LTBP3: variants seen among roughly 807,000 people sequenced by gnomAD.
LTBP3 encodes latent transforming growth factor beta binding protein 3.
Under a neutral mutation model 159.7 loss-of-function variants are expected in LTBP3, and 97 were observed. The observed-to-expected ratio is 0.61, with a 90% CI of 0.52 to 0.72. The LOEUF is 0.72. Ranked by LOEUF, LTBP3 falls within the 30% of genes least tolerant of loss-of-function variation. LTBP3 has a pLI of 0.00. For synonymous variants in LTBP3, 824 were observed against 777.1 expected, an observed-to-expected ratio of 1.06 and a Z score of -1.00; for missense variants, 1,584 against 1,864.3, an observed-to-expected ratio of 0.85 and a Z score of 2.77.
Position 65,546,726 on chromosome 11 carries a change from C to CCCCCCCCCCCGT in LTBP3, c.2230+71_2230+72insACGGGGGGGGGG. The CCCCCCCCCCCGT allele has an allele frequency of 6.6e-7, 1 of 1,520,490 alleles. No homozygotes were observed. Among genetic ancestry groups the CCCCCCCCCCCGT allele is most frequent in the Non-Finnish European group, 8.9e-7 (1 of 1,126,560 alleles). The allele number at this position is 1,520,490 out of a possible 1,614,324, so 94.2% of individuals were successfully genotyped here. ...GCCAATCACCACCGCTACCCCGCCC[C>CCCCCCCCCCCGT]GCCCCCAGCGGAGCCAGACTGGGGG... On this transcript the variant is annotated intron_variant, in intron 15 of 27. Transcript: ENST00000301873. The surrounding 1 kb of genome is among the most constrained non-coding windows in gnomAD (Gnocchi z 4.0).
At position 65,553,632 on chromosome 11, in the gene LTBP3, A is replaced by C. The variant is rs1856693225; in HGVS notation, c.864+69T>G. ...TTCCCCCGCCCCTCAGTTTTCTGCT[A>C]TCCGAGTGAGTTGGGGCAGAGCAAC... is the stretch of plus-strand genomic sequence containing the variant. On this transcript the variant is annotated intron_variant, in intron 3 of 27. Transcript: ENST00000301873. The surrounding 1 kb of genome is among the most constrained non-coding windows in gnomAD (Gnocchi z 6.5). The C allele has an allele frequency of 2.0e-6, 3 of 1,524,652 alleles. No individual in the cohort carries two copies. The highest frequency in any genetic ancestry group is 1.2e-5 in the South Asian group (1 of 85,234). The allele number at this position is 1,524,652 out of a possible 1,614,324, so 94.4% of individuals were successfully genotyped here. A position where few individuals can be genotyped will look rare whatever the true frequency, so the allele number is the denominator to read the frequency against.
Position 65,548,055 on chromosome 11 carries a change from T to C in LTBP3, c.1721-10A>G. The C allele has an allele frequency of 1.2e-6, 2 of 1,613,828 alleles. No homozygotes were observed. Among genetic ancestry groups the C allele is most frequent in the Non-Finnish European group, 1.7e-6 (2 of 1,179,998 alleles). On this transcript the variant is annotated splice_polypyrimidine_tract_variant and intron_variant, in intron 11 of 27. Coordinates refer to ENST00000301873, the MANE Select transcript of LTBP3 (RefSeq NM_001130144.3). ...CGGCACTCATCAGTCTCTGCGGGCA[T>C]GGCCAGGTCAAGCGGCAGAGCAGGG... is the stretch of plus-strand genomic sequence containing the variant.
Position 65,540,274 on chromosome 11 carries a change from T to TGC in LTBP3, c.3213_3214dup (p.Gln1072ArgfsTer6). ...CTCTTCCGGGCTCAGGCACTGGCGC[T>TGC]GCGCGGGACTGTACTCGGCAGGGGG... On this transcript the variant is annotated frameshift_variant, in exon 23 of 28. Coordinates refer to ENST00000301873, the MANE Select transcript of LTBP3 (RefSeq NM_001130144.3). LOFTEE classifies it high-confidence loss of function. 1 of 1,553,856 alleles carries TGC rather than the reference T, an allele frequency of 6.4e-7. No homozygotes were observed. Among genetic ancestry groups the TGC allele is most frequent in the South Asian group, 1.2e-5 (1 of 84,332 alleles).
At chr11:65,551,873 TG>T in intron 8 of LTBP3, 98 bp downstream of exon 8, 1 of 1,358,450 alleles carries the variant, frequency 7.4e-7, no homozygotes, top group Non-Finnish European at 1.0e-6. Context: ...GATAAGGAAT[TG>T]GGGGTTAGAC....
intron 1 of LTBP3, 28 bp downstream of exon 1, chr11:65,557,601 T>C (rs1856853488): frequency 6.2e-7 from 1 of 1,604,976 alleles, no homozygotes; most frequent in African/African-American, 1.3e-5. Flanking sequence ...GTCCTTCCCC[T>C]GCCCCCAGCC....
chr11:65,553,929 G>A lies in LTBP3; in HGVS notation c.662-26C>T, dbSNP rs762938804. The A allele has an allele frequency of 6.6e-7, 1 of 1,516,978 alleles. No individual in the cohort carries two copies. The highest frequency in any genetic ancestry group is 1.9e-5 in the Admixed American group (1 of 51,606). The allele number at this position is 1,516,978 out of a possible 1,614,324, so 94.0% of individuals were successfully genotyped here. ...CTGGGGGCGGGCGCGGTGGCCTCAG[G>A]GCTGCCCGCACCGCGCCGCGGGTCA... On this transcript the variant is annotated intron_variant, in intron 2 of 27. Coordinates refer to ENST00000301873, the MANE Select transcript of LTBP3 (RefSeq NM_001130144.3). The surrounding 1 kb of genome is among the most constrained non-coding windows in gnomAD (Gnocchi z 6.5).
Position 65,554,169 on chromosome 11 carries a change from G to T in LTBP3, c.543C>A (p.Ser181Arg). Reference protein sequence around the residue: ...PLAPEGDSVASKHAIYAVQVI... With the variant: ...PLAPEGDSVARKHAIYAVQVI... ...CCTGGACGGCGTAGATGGCGTGCTT[G>T]CTGGCCACAGAGTCGCCCTCCGGAG... Residue 181 changes from serine to arginine, a missense_variant, in exon 2 of 28, where the codon AGC (serine) becomes AGA (arginine). By Grantham distance (110) the Ser-to-Arg change is moderately radical. Transcript: ENST00000301873. This position sits in a 1 kb window ranked among gnomAD's most constrained non-coding sequence, Gnocchi z 5.3. The T allele has an allele frequency of 6.2e-7, 1 of 1,612,008 alleles. No homozygotes were observed.
intron 18 of LTBP3, chr11:65,542,878 G>A: frequency 1.7e-6 from 1 of 586,406 alleles, no homozygotes; most frequent in Non-Finnish European, 3.1e-6. Flanking sequence ...GGAAGGCTGA[G>A]CAGATGGATG....
At chr11:65,540,431 C>T (rs551916390) in intron 22 of LTBP3, 49 bp from the exon 23 acceptor site, 2 of 1,609,180 alleles carry the variant, frequency 1.2e-6, no homozygotes, top group Non-Finnish European at 1.7e-6. Context: ...GGGATGGGCG[C>T]GGTGGCGCGT....
At chr11:65,544,348 C>T (rs76693102) in intron 16 of LTBP3, 2 of 153,324 alleles carry the variant, frequency 1.3e-5, no homozygotes, top group East Asian at 3.8e-4. Context: ...CTGACACCCC[C>T]AGACTCTGAT....
chr11:65,554,033 T>G lies in LTBP3; in HGVS notation c.661+18A>C. On this transcript the variant is annotated intron_variant, in intron 2 of 27. Coordinates refer to ENST00000301873, the MANE Select transcript of LTBP3 (RefSeq NM_001130144.3). This position sits in a 1 kb window ranked among gnomAD's most constrained non-coding sequence, Gnocchi z 5.3. ...CCACCCACTGGCGACCTTCCCGGGTTTGCCAGTTGCCTGGTACCTTCTGCT... is the reference window on the plus strand; with the variant it reads ...CCACCCACTGGCGACCTTCCCGGGTGTGCCAGTTGCCTGGTACCTTCTGCT... 6.3e-7 allele frequency: 1 copy of G among 1,598,904 alleles called. No homozygotes were observed. The highest frequency in any genetic ancestry group is 8.5e-7 in the Non-Finnish European group (1 of 1,178,928).
intron 19 of LTBP3, 21 bp from the exon 20 acceptor site, chr11:65,541,314 C>T: frequency 2.5e-6 from 4 of 1,606,160 alleles, no homozygotes; most frequent in Non-Finnish European, 3.4e-6. Context: ...GACGGCAGCT[C>T]AGGGTTGTGC....
In LTBP3 at chr11:65,552,906, G is replaced by A; in HGVS notation, c.1140C>T (p.Val380=). The change falls in exon 6 of 28, where the codon GTC becomes GTT. Residue 380 remains valine, a synonymous_variant. Transcript: ENST00000301873. This position sits in a 1 kb window ranked among gnomAD's most constrained non-coding sequence, Gnocchi z 6.0. ...CLNNPGSYRC[V]CPPGHSLGPS... ...GGCCTAAACTATGGCCAGGTGGGCA[G>A]ACACAGCGATAGGAGCCAGGGTTGT... 6.2e-7 allele frequency: 1 copy of A among 1,614,228 alleles called. No individual in the cohort carries two copies. Among genetic ancestry groups the A allele is most frequent in the Non-Finnish European group, 8.5e-7 (1 of 1,180,028 alleles).
Position 65,547,594 on chromosome 11 carries a change from G to C in LTBP3, c.1979-27C>G, listed in dbSNP as rs1387637637. On this transcript the variant is annotated intron_variant, in intron 13 of 27. Coordinates refer to ENST00000301873, the MANE Select transcript of LTBP3 (RefSeq NM_001130144.3). This position sits in a 1 kb window ranked among gnomAD's most constrained non-coding sequence, Gnocchi z 4.6. The stretch of plus-strand genomic sequence containing the variant: ...TGTGCGGGAGGAAGGGGCCACGAAG[G>C]GGGTGTAGGAGGCGGCGGGCAAGGG... The C allele has an allele frequency of 6.2e-7, 1 of 1,612,560 alleles. No individual in the cohort carries two copies. Among genetic ancestry groups the C allele is most frequent in the East Asian group, 2.2e-5 (1 of 44,838 alleles).
rs1177706646 is a variant in LTBP3, at chr11:65,540,793, A to C, written c.2977+78T>G. The C allele has an allele frequency of 6.0e-6, 9 of 1,490,512 alleles. No individual in the cohort carries two copies. The Admixed American group carries it at 1.4e-4, about 23-fold the overall frequency. 92.3% of individuals were successfully genotyped at this position (1,490,512 alleles called of 1,614,324 possible). On this transcript the variant is annotated intron_variant, in intron 21 of 27. Coordinates refer to ENST00000301873, the MANE Select transcript of LTBP3 (RefSeq NM_001130144.3). ...CTTACCCGGCGCGGGCAGCTGACCC[A>C]GCGAGTCCCGGCGGGATCCGGGCGA...
intron 8 of LTBP3, 71 bp downstream of exon 8, chr11:65,551,901 T>C: frequency 6.6e-7 from 1 of 1,523,396 alleles, no homozygotes; most frequent in Non-Finnish European, 9.1e-7. Context: ...GTCAGATCTG[T>C]GGATCACGGG....
In LTBP3 at chr11:65,547,070, G is replaced by T; in HGVS notation, c.2108-150C>A. On this transcript the variant is annotated intron_variant, in intron 14 of 27. Coordinates refer to ENST00000301873, the MANE Select transcript of LTBP3 (RefSeq NM_001130144.3). This position sits in a 1 kb window ranked among gnomAD's most constrained non-coding sequence, Gnocchi z 4.6. The stretch of plus-strand genomic sequence containing the variant: ...AGGCCCAGAGCCGAGCATACAGGCC[G>T]GGTGCGGTGGCACACGGCTGTAATC... The T allele has an allele frequency of 1.7e-6, 2 of 1,163,220 alleles. No individual in the cohort carries two copies. The highest frequency in any genetic ancestry group is 1.5e-5 in the South Asian group (1 of 66,648). The allele number at this position is 1,163,220 out of a possible 1,614,324, so 72.1% of individuals were successfully genotyped here.
intron 27 of LTBP3, 21 bp from the exon 28 acceptor site, chr11:65,539,252 T>C: frequency 1.3e-6 from 2 of 1,522,554 alleles, no homozygotes; most frequent in Non-Finnish European, 1.8e-6. Flanking sequence ...GGGCGACAGG[T>C]GCGGCTTCGC....
At position 65,557,830 on chromosome 11, in the gene LTBP3, C is replaced by G. The variant is rs1322850920; in HGVS notation, c.130G>C (p.Gly44Arg). The G allele has an allele frequency of 2.8e-6, 4 of 1,408,370 alleles. No individual in the cohort carries two copies. The highest frequency in any genetic ancestry group is 3.7e-6 in the Non-Finnish European group (4 of 1,085,804). 87.2% of individuals were successfully genotyped at this position (1,408,370 alleles called of 1,614,324 possible). ...LLGLGGRVEG[G>R]PAGERGAGGG... ...CCTGCGCCCCGCTCGCCGGCCGGCC[C>G]CCCCTCGACCCTGCCGCCCAGGCCC... The change falls in exon 1 of 28, where the codon GGG becomes CGG. Residue 44 changes from glycine to arginine, a missense_variant. This residue lies in a region of LTBP3 where 79 missense variants were observed against 64.7 expected (regional missense o/e 1.22). Coordinates refer to ENST00000301873, the MANE Select transcript of LTBP3 (RefSeq NM_001130144.3).
Sources: allele counts gnomAD v4.1 joint callset, GRCh38; gene constraint gnomAD v4.1.1; regional missense constraint gnomAD v4.1.1; non-coding constraint Gnocchi (gnomAD v3.1); transcripts MANE v1.5; gene names NCBI Gene and HGNC (gene_info 2026-07-23, HGNC 2026-07-21).